Variants in SLC35E4 observed in about 807,000 individuals in gnomAD.
The protein encoded by SLC35E4 is solute carrier family 35, member E4.
Under a neutral mutation model 19.3 loss-of-function variants are expected in SLC35E4, and 15 were observed. The observed-to-expected ratio is 0.78, with a 90% CI of 0.52 to 1.20. SLC35E4 has a LOEUF of 1.20. Ranked by LOEUF, SLC35E4 falls within the 50% of genes most tolerant of loss-of-function variation. SLC35E4 has a pLI of 0.00. For synonymous variants in SLC35E4, 219 were observed against 219.9 expected (o/e 1.00, Z 0.04); for missense variants, 406 against 472.3 (o/e 0.86, Z 1.30).
chr22:30,654,470 T>C (rs1193275130), intron 2 of SLC35E4: 5 of 435,542 alleles, frequency 1.1e-5, no homozygotes, highest in Admixed American at 7.4e-5. Context: ...ACCTGCTTTT[T>C]CGTCATAGGG....
intron 2 of SLC35E4, chr22:30,654,396 C>T: frequency 2.2e-6 from 1 of 458,072 alleles, no homozygotes. Flanking sequence ...GATCCAGCTG[C>T]CCCAGGTAGG....
intron 1 of SLC35E4, among the ~76,000 whole-genome samples, chr22:30,637,326 A>C (rs1296194877): frequency 6.6e-6 from 1 of 152,210 alleles, no homozygotes; most frequent in East Asian, 1.9e-4. Flanking sequence ...TCTGTCACCC[A>C]GGCTGCATTG....
At chr22:30,662,754 G>A (rs575063869) in exon 3 of SLC35E4, 1 of 151,392 alleles carries the variant, frequency 6.6e-6, no homozygotes, top group South Asian at 2.1e-4. Flanking sequence ...ACTTGAGCCT[G>A]AGAGGTTGTG....
intron 2 of SLC35E4, among the ~76,000 whole-genome samples, chr22:30,659,323 TC>T (rs1432068424): frequency 6.6e-6 from 1 of 151,980 alleles, no homozygotes; most frequent in Non-Finnish European, 1.5e-5. Context: ...ACAAGGAAAG[TC>T]TGGACCCTGA....
exon 3 of SLC35E4, chr22:30,663,283 G>A (rs1348481510): frequency 2.6e-6 from 2 of 762,606 alleles, no homozygotes; most frequent in Non-Finnish European, 4.1e-6. Context: ...GGATTATAAA[G>A]TTAAAAGCTA....
At chr22:30,651,610 C>A (rs1250411032), downstream of SLC35E4, among the ~76,000 whole-genome samples, 1 of 151,214 alleles carries the variant, frequency 6.6e-6, no homozygotes, top group Non-Finnish European at 1.5e-5. Context: ...AGTAGACCTT[C>A]AATTTAGTCT....
chr22:30,655,308 AT>A lies in SLC35E4; in HGVS notation c.*8+6056del, dbSNP rs758199509. 6.5e-4 allele frequency among the ~76,000 whole-genome samples: 96 copies of A among 148,140 alleles called. 5 individuals are homozygous for A. Among genetic ancestry groups the A allele is most frequent in the Middle Eastern group, 3.5e-3 (1 of 288 alleles). Reference sequence around the variant, plus strand: ...CTGTCTCTACGGAAAAAAAAAAAAAATAGCCAAGTATGGTGGTGCACGCCTG... The same window carrying A: ...CTGTCTCTACGGAAAAAAAAAAAAAAAGCCAAGTATGGTGGTGCACGCCTG... On this transcript the variant is annotated intron_variant, in intron 2 of 2. Transcript: ENST00000406566.
chr22:30,663,543 T>C (rs201513667), downstream of SLC35E4: 59 of 1,614,054 alleles, frequency 3.7e-5, no homozygotes, highest in East Asian at 2.2e-5. Flanking sequence ...TTGGAACTCA[T>C]AGTGGATGAG....
At chr22:30,651,397 GTGTATATATATA>G (rs1297690012), downstream of SLC35E4, among the ~76,000 whole-genome samples, 4 of 52,638 alleles carry the variant, frequency 7.6e-5, no homozygotes, top group Non-Finnish European at 1.2e-4. Context: ...GTGTGTGTGT[GTGTATATATATA>G]TATATATATA....
rs535513569 is a variant in SLC35E4, at chr22:30,636,989, G to A, written c.539G>A (p.Gly180Glu). The change falls in exon 1 of 2, where the codon GGA becomes GAA. Residue 180 changes from glycine to glutamate, a missense_variant. Transcript: ENST00000343605. ...CTGGGGGCCGCCTGCAGCCTGGCTG[G>A]AGAGTTCCGGACACCCCCTACCGGC... ...LCLGAACSLA[G>E]EFRTPPTGCG... 6.2e-7 allele frequency: 1 copy of A among 1,611,562 alleles called. No individual in the cohort carries two copies. The highest frequency in any genetic ancestry group is 1.1e-5 in the South Asian group (1 of 90,980).
intron 1 of SLC35E4, among the ~76,000 whole-genome samples, chr22:30,638,667 C>G (rs1395140166): frequency 1.4e-5 from 2 of 143,306 alleles, no homozygotes; most frequent in African/African-American, 5.0e-5. Context: ...CAAAAATTAG[C>G]TGAGCGTGAT....
chr22:30,663,662 C>T, downstream of SLC35E4: 1 of 1,614,206 alleles, frequency 6.2e-7, no homozygotes, highest in Non-Finnish European at 8.5e-7. Flanking sequence ...AGGCGAGGCA[C>T]AGGGCAGCTG....
At chr22:30,649,350 G>A, downstream of SLC35E4, 10 of 680,574 alleles carry the variant, frequency 1.5e-5, no homozygotes, top group South Asian at 3.3e-5. Context: ...TGAGGACTAG[G>A]AGCTAGACCA....
chr22:30,668,643 G>A (rs2145637729), exon 3 of SLC35E4: 1 of 152,304 alleles, frequency 6.6e-6, no homozygotes, highest in East Asian at 1.9e-4. Flanking sequence ...AGAGCCTGGC[G>A]AGGCCGAGGT....
downstream of SLC35E4, chr22:30,664,100 GT>G: frequency 8.5e-7 from 1 of 1,169,622 alleles, no homozygotes; most frequent in Non-Finnish European, 1.2e-6. Flanking sequence ...GGGAGAGGAT[GT>G]TTAGAGGGCA....
In SLC35E4 at chr22:30,654,538, T is replaced by G. The variant is rs16988939; in HGVS notation, c.*8+5285T>G. 4.2e-3 allele frequency: 1,853 copies of G among 436,772 alleles called. 21 individuals are homozygous for G. Among genetic ancestry groups the G allele is most frequent in the African/African-American group, 0.034 (1,658 of 49,142 alleles). 27.1% of individuals were successfully genotyped at this position (436,772 alleles called of 1,614,324 possible). A position where few individuals can be genotyped will look rare whatever the true frequency, so the allele number is the denominator to read the frequency against. ...CTTGGGCGGCCTGGCTTCCTTGGTC[T>G]CGCGGGGCAGCATGCCTCGGGGTCC... On this transcript the variant is annotated intron_variant, in intron 2 of 2. Coordinates refer to the SLC35E4 transcript ENST00000406566.
chr22:30,640,082 G>A (rs887987666), intron 1 of SLC35E4, among the ~76,000 whole-genome samples: 2 of 152,134 alleles, frequency 1.3e-5, no homozygotes, highest in South Asian at 2.1e-4. Flanking sequence ...CACAATCCAC[G>A]TTCTTCTGCA....
chr22:30,668,589 T>C (rs955731528), exon 3 of SLC35E4: 1 of 152,254 alleles, frequency 6.6e-6, no homozygotes, highest in Non-Finnish European at 1.5e-5. Context: ...AGGCATGACA[T>C]CGTGTGGTCC....
chr22:30,654,383 T>G (rs556525271), intron 2 of SLC35E4: 1 of 461,912 alleles, frequency 2.2e-6, no homozygotes, highest in East Asian at 6.5e-5. Flanking sequence ...CAGCCAACTT[T>G]GTGATCCAGC....
Sources: gnomAD v4.1 joint callset for allele counts (sites outside exome capture counted in the v4.1 genomes callset) on GRCh38, gnomAD v4.1.1 for gene constraint, MANE v1.5 for transcripts, NCBI Gene and HGNC (gene_info 2026-07-23, HGNC 2026-07-21) for gene names.